FSIP2: variants seen among roughly 807,000 people sequenced by gnomAD.
The protein encoded by FSIP2 is fibrous sheath-interacting protein 2.
A neutral mutation model predicts 510.5 loss-of-function variants in FSIP2; 367 were observed. That is an observed-to-expected ratio of 0.72 (90% confidence interval 0.66 to 0.78). The LOEUF is 0.78. Ranked by LOEUF, FSIP2 falls within the 30% of genes least tolerant of loss-of-function variation. The pLI is 0.00. For synonymous variants in FSIP2, 2,601 were observed against 2,732.2 expected (o/e 0.95, Z 1.50); for missense variants, 7,594 against 7,901.7 (o/e 0.96, Z 1.48).
At chr2:185,764,640 G>A (rs1692426662) in intron 13 of FSIP2, 75 bp downstream of exon 13, 1 of 1,085,618 alleles carries the variant, frequency 9.2e-7, no homozygotes, top group African/African-American at 1.6e-5. Flanking sequence ...CTGAGTTTTT[G>A]CTTCATGTTA....
chr2:185,805,809 C>A lies in FSIP2; in HGVS notation c.16503C>A (p.Ser5501Arg). ...VLSSINAIMKSGMINLTSGLA... is the reference protein window; with the variant it reads ...VLSSINAIMKRGMINLTSGLA... ...GCTCTATAAATGCAATTATGAAAAG[C>A]GGCATGATTAACCTAACATCAGGGT... Residue 5501 changes from serine (S) to arginine (R), a missense_variant, in exon 17 of 23, where the codon AGC becomes AGA. Transcript: ENST00000424728. The A allele has an allele frequency of 6.2e-7, 1 of 1,602,108 alleles. No homozygotes were observed. Among genetic ancestry groups the A allele is most frequent in the South Asian group, 1.1e-5 (1 of 88,406 alleles).
chr2:185,747,875 A>G (rs888593565), intron 7 of FSIP2, among the ~76,000 whole-genome samples: 6 of 152,152 alleles, frequency 3.9e-5, no homozygotes, highest in African/African-American at 9.6e-5. Flanking sequence ...GTTCTCACAT[A>G]TACACATACA....
chr2:185,747,510 G>T, intron 7 of FSIP2, 87 bp downstream of exon 7: 1 of 679,296 alleles, frequency 1.5e-6, no homozygotes, highest in South Asian at 1.8e-5. Flanking sequence ...TTTGTGAGAT[G>T]ACTGTTGCCC....
chr2:185,812,263 A>T (rs962285901), intron 17 of FSIP2, among the ~76,000 whole-genome samples: 1 of 152,080 alleles, frequency 6.6e-6, no homozygotes, highest in Non-Finnish European at 1.5e-5. Context: ...TGGGACATAC[A>T]GTCTAAGGAA....
chr2:185,745,785 A>G (rs151111978), intron 5 of FSIP2, among the ~76,000 whole-genome samples: 1 of 152,292 alleles, frequency 6.6e-6, no homozygotes, highest in East Asian at 1.9e-4. Flanking sequence ...CTGGTTATTG[A>G]AAGAAAAATT....
chr2:185,830,359 C>T (rs1049763416), intron 21 of FSIP2, among the ~76,000 whole-genome samples: 1 of 151,836 alleles, frequency 6.6e-6, no homozygotes, highest in Non-Finnish European at 1.5e-5. Context: ...TTTAACAATG[C>T]TCCATTAAGT....
At position 185,800,795 on chromosome 2, in the gene FSIP2, A is replaced by G; in HGVS notation, c.11489A>G (p.Asp3830Gly). The G allele has an allele frequency of 6.5e-7, 1 of 1,534,274 alleles. No homozygotes were observed. Among genetic ancestry groups the G allele is most frequent in the Non-Finnish European group, 8.7e-7 (1 of 1,145,610 alleles). The stretch of plus-strand genomic sequence containing the variant: ...CTTTTGGAGAATGTGGCAGAAATTG[A>G]TCAAGACTTATTGACATCAGACTCT... ...SDLLENVAEI[D>G]QDLLTSDSML... Residue 3830 changes from aspartate (D) to glycine (G), a missense_variant, in exon 17 of 23, where the codon GAT becomes GGT. Physicochemically the swap from Asp to Gly is moderately conservative, Grantham distance 94. Transcript: ENST00000424728.
Position 185,795,974 on chromosome 2 carries a change from A to G in FSIP2, c.8838A>G (p.Ser2946=). Residue 2946 remains serine (S), a synonymous_variant, in exon 16 of 23, where the codon TCA becomes TCG. Coordinates refer to ENST00000424728, the MANE Select transcript of FSIP2 (RefSeq NM_173651.4). ...CTCCAGATAGTGAAGAAACTCTATC[A>G]AACAGTAAAGAACACATTACTGCTA... ...IPTPDSEETL[S]NSKEHITAKS... 1 of 1,534,878 alleles carries G rather than the reference A, an allele frequency of 6.5e-7. No individual in the cohort carries two copies.
chr2:185,823,110 G>A (rs1021739311), intron 19 of FSIP2, among the ~76,000 whole-genome samples: 1 of 151,822 alleles, frequency 6.6e-6, no homozygotes. Flanking sequence ...ACTTTTGTTG[G>A]AAGACATGGG....
chr2:185,763,001 T>C (rs1692386603), intron 11 of FSIP2, among the ~76,000 whole-genome samples, 182 bp from the exon 12 acceptor site: 1 of 151,470 alleles, frequency 6.6e-6, no homozygotes, highest in East Asian at 1.9e-4. Flanking sequence ...GCAGTAAACA[T>C]CAAAAAAGAC....
rs528703455 is a variant in FSIP2, at chr2:185,800,196, A to G, written c.10890A>G (p.Arg3630=). The G allele has an allele frequency of 3.9e-6, 6 of 1,532,554 alleles. No homozygotes were observed. The African/African-American group carries it at 8.2e-5, about 21-fold the overall frequency. The allele number at this position is 1,532,554 out of a possible 1,614,324, so 94.9% of individuals were successfully genotyped here. Residue 3630 remains arginine, a synonymous_variant, in exon 17 of 23, where the codon AGA becomes AGG. Transcript: ENST00000424728. ...ATTATCACTTTGAAAGCAATGTAAG[A>G]AACAAATCATTTTCTATGCATAGAA... is the stretch of plus-strand genomic sequence containing the variant. ...EVDYHFESNV[R]NKSFSMHRNN... is the part of the protein sequence containing the mutation.
In FSIP2 at chr2:185,808,924, C is replaced by T. The variant is rs1418108849; in HGVS notation, c.19618C>T (p.His6540Tyr). 2 of 1,605,610 alleles carry T rather than the reference C, an allele frequency of 1.2e-6. No homozygotes were observed. The highest frequency in any genetic ancestry group is 1.7e-6 in the Non-Finnish European group (2 of 1,177,694). ...VKIDPKIISE[H>Y]LAVISIKTQP... ...AATAGATCCAAAAATTATTTCAGAACACTTAGCAGTTATTTCTATAAAAAC... is the reference window on the plus strand; with the variant it reads ...AATAGATCCAAAAATTATTTCAGAATACTTAGCAGTTATTTCTATAAAAAC... Residue 6540 changes from histidine to tyrosine, a missense_variant, in exon 17 of 23, where the codon CAC becomes TAC. Physicochemically the swap from His to Tyr is moderately conservative, Grantham distance 83 (BLOSUM62 2). Coordinates refer to ENST00000424728, the MANE Select transcript of FSIP2 (RefSeq NM_173651.4).
rs1255785264 is a variant in FSIP2 at position 185,801,842 on chromosome 2, C to T, written c.12536C>T (p.Thr4179Ile). The change falls in exon 17 of 23, where the codon ACT (threonine) becomes ATT (isoleucine). Residue 4179 changes from threonine to isoleucine, a missense_variant. Coordinates refer to ENST00000424728, the MANE Select transcript of FSIP2 (RefSeq NM_173651.4). The part of the protein sequence containing the change: ...LMSSDFNEMS[T>I]CIINKVMSAI... ...AGTTCTGATTTTAATGAAATGTCCA[C>T]TTGTATAATAAATAAGGTTATGTCA... is the stretch of plus-strand genomic sequence containing the variant. 3 of 1,485,144 alleles carry T rather than the reference C, an allele frequency of 2.0e-6. No homozygotes were observed. The highest frequency in any genetic ancestry group is 1.3e-5 in the South Asian group (1 of 76,994). 92.0% of individuals were successfully genotyped at this position (1,485,144 alleles called of 1,614,324 possible).
intron 7 of FSIP2, among the ~76,000 whole-genome samples, chr2:185,751,131 C>T (rs1007356807): frequency 6.6e-6 from 1 of 151,282 alleles, no homozygotes; most frequent in East Asian, 1.9e-4. Context: ...AAATCCAAGT[C>T]CTAGCTCAAT....
In FSIP2 at chr2:185,792,396, A is replaced by G. The variant is rs1378843965; in HGVS notation, c.5260A>G (p.Lys1754Glu). 2 of 1,533,890 alleles carry G rather than the reference A, an allele frequency of 1.3e-6. No homozygotes were observed. Among genetic ancestry groups the G allele is most frequent in the East Asian group, 4.9e-5 (2 of 40,856 alleles). The change falls in exon 16 of 23, where the codon AAA becomes GAA. Residue 1754 changes from lysine (K) to glutamate (E), a missense_variant. Physicochemically the swap from Lys to Glu is moderately conservative, Grantham distance 56. Transcript: ENST00000424728. Reference sequence around the variant, plus strand: ...AGAAGAAGTGAAAACACGTTCTCTTAAACAATGGGCTCTCGAAAAAACCTT... The same window carrying G: ...AGAAGAAGTGAAAACACGTTCTCTTGAACAATGGGCTCTCGAAAAAACCTT... ...QREEVKTRSL[K>E]QWALEKTLNK... is the part of the protein sequence containing the mutation.
At position 185,790,521 on chromosome 2, in the gene FSIP2, T is replaced by C. The variant is rs530830735; in HGVS notation, c.3385T>C (p.Leu1129=). The C allele has an allele frequency of 3.3e-6, 5 of 1,534,212 alleles. No homozygotes were observed. In the Admixed American group the frequency reaches 9.8e-5, roughly 30 times the overall value. ...KDISSVPFGH[L]DSKTGSEASV... ...CATATCTTCCGTTCCTTTTGGTCAC[T>C]TAGACAGCAAAACTGGCAGTGAAGC... is the stretch of plus-strand genomic sequence containing the variant. The change falls in exon 16 of 23, where the codon TTA becomes CTA. Residue 1129 remains leucine (L), a synonymous_variant. Coordinates refer to ENST00000424728, the MANE Select transcript of FSIP2 (RefSeq NM_173651.4).
At chr2:185,759,659 A>T (rs1352367666) in intron 9 of FSIP2, among the ~76,000 whole-genome samples, 1 of 146,470 alleles carries the variant, frequency 6.8e-6, no homozygotes, top group East Asian at 2.0e-4. Context: ...TATATATATT[A>T]TATATTATAC....
chr2:185,767,771 A>G (rs886342059), intron 13 of FSIP2, among the ~76,000 whole-genome samples: 4 of 152,080 alleles, frequency 2.6e-5, no homozygotes, highest in African/African-American at 4.8e-5. Flanking sequence ...GTTGATGTAC[A>G]TTTGTTTCTA....
intron 7 of FSIP2, among the ~76,000 whole-genome samples, chr2:185,750,602 TG>T (rs1692125910): frequency 1.1e-4 from 3 of 26,896 alleles, no homozygotes; most frequent in Non-Finnish European, 1.8e-4. Flanking sequence ...TGCATTTCTC[TG>T]TTTTTTTTTT....
Sources: gnomAD v4.1 joint callset for allele counts (sites outside exome capture counted in the v4.1 genomes callset) on GRCh38, gnomAD v4.1.1 for gene constraint, MANE v1.5 for transcripts, NCBI Gene and HGNC (gene_info 2026-07-23, HGNC 2026-07-21) for gene names.